Variants in MOCOS observed in about 807,000 individuals in gnomAD.
MOCOS encodes the protein human molybdenum cofactor sulfurase.
A neutral mutation model predicts 83.6 loss-of-function variants in MOCOS; 86 were observed. That is an observed-to-expected ratio of 1.03 (90% CI 0.86 to 1.23). The LOEUF (loss-of-function observed/expected upper bound fraction) is 1.23. Among genes scored for constraint, MOCOS ranks in the 50% most tolerant of loss-of-function variants. The probability of loss-of-function intolerance (pLI) is 0.00; values close to 1 mark genes in which losing one functional copy is unlikely to be tolerated. For missense variants in MOCOS, 1,120 were observed against 1,126.9 expected (o/e 0.99, Z 0.09); for synonymous variants, 445 against 434.7 (o/e 1.02, Z -0.29).
At chr18:36,187,914 C>G (rs567963587) in intron 1 of MOCOS, among the ~76,000 whole-genome samples, 3 of 152,234 alleles carry the variant, frequency 2.0e-5, no homozygotes, top group African/African-American at 7.2e-5. Context: ...CAGGACCAAC[C>G]TAGCCGTCTT....
chr18:36,188,192 C>T (rs2091349862), intron 1 of MOCOS, among the ~76,000 whole-genome samples: 1 of 152,260 alleles, frequency 6.6e-6, no homozygotes, highest in Non-Finnish European at 1.5e-5. Context: ...GCTCTGCAGA[C>T]TCCTCTGGGA....
chr18:36,258,922 C>T (rs1040956945), intron 12 of MOCOS, among the ~76,000 whole-genome samples: 2 of 152,106 alleles, frequency 1.3e-5, no homozygotes, highest in Admixed American at 6.5e-5. Context: ...CCCTTGTATC[C>T]CATCCCAGTC....
rs183534967 is a variant in MOCOS, at chr18:36,189,272, C to G, written c.142+1591C>G. Among the ~76,000 whole-genome samples the G allele has an allele frequency of 2.0e-5, 3 of 152,158 alleles. No homozygotes were observed. The East Asian group carries it at 5.8e-4, about 29-fold the overall frequency. On this transcript the variant is annotated intron_variant, in intron 1 of 14. Transcript: ENST00000261326. Reference sequence around the variant, plus strand: ...GTCAGCCAGGCTGGCCCTCAGAACTCGTTACCACTTACTGTATGTCTGGTA... The same window carrying G: ...GTCAGCCAGGCTGGCCCTCAGAACTGGTTACCACTTACTGTATGTCTGGTA...
chr18:36,207,544 A>G (rs952669148), intron 6 of MOCOS, among the ~76,000 whole-genome samples: 5 of 151,650 alleles, frequency 3.3e-5, no homozygotes, highest in African/African-American at 7.3e-5. Flanking sequence ...TTCTCTCATG[A>G]TTAATGATGT....
At position 36,220,124 on chromosome 18, in the gene MOCOS, G is replaced by T. The variant is rs1568056639; in HGVS notation, c.1867G>T (p.Gly623Cys). 3 of 1,614,070 alleles carry T rather than the reference G, an allele frequency of 1.9e-6. No homozygotes were observed. Among genetic ancestry groups the T allele is most frequent in the Non-Finnish European group, 2.5e-6 (3 of 1,180,016 alleles). ...DRSWMVVNHN[G>C]VCLSQKQEPR... ...GAGCTGGATGGTTGTGAATCACAAT[G>T]GTGTTTGCCTGAGTCAGAAGCAGGA... The change falls in exon 9 of 15, where the codon GGT (glycine) becomes TGT (cysteine). Residue 623 changes from glycine (G) to cysteine (C), a missense_variant. Transcript: ENST00000261326.
At chr18:36,231,749 A>G (rs1308160186) in intron 9 of MOCOS, among the ~76,000 whole-genome samples, 1 of 152,216 alleles carries the variant, frequency 6.6e-6, no homozygotes, top group Non-Finnish European at 1.5e-5. Context: ...TGGATGATCC[A>G]GAAGTACAGA....
intron 1 of MOCOS, among the ~76,000 whole-genome samples, chr18:36,194,898 T>C (rs1453812789): frequency 2.0e-5 from 3 of 152,216 alleles, no homozygotes; most frequent in Non-Finnish European, 4.4e-5. Context: ...GGCTCTCCCC[T>C]CAGGGACTCC....
At chr18:36,246,678 AG>A (rs1206966778) in intron 9 of MOCOS, among the ~76,000 whole-genome samples, 3 of 152,256 alleles carry the variant, frequency 2.0e-5, no homozygotes, top group African/African-American at 7.2e-5. Flanking sequence ...GGACAGACTC[AG>A]GACCTCTGGT....
intron 11 of MOCOS, among the ~76,000 whole-genome samples, chr18:36,254,154 T>C (rs2091632317): frequency 6.6e-6 from 1 of 152,188 alleles, no homozygotes; most frequent in Non-Finnish European, 1.5e-5. Context: ...TAGGGTCCCA[T>C]GTTCTCTGGC....
chr18:36,219,990 G>C, intron 8 of MOCOS, 65 bp from the exon 9 acceptor site: 1 of 1,594,588 alleles, frequency 6.3e-7, no homozygotes, highest in Non-Finnish European at 8.6e-7. Context: ...TGTAGCCACT[G>C]TACAAATAGG....
chr18:36,208,017 G>T (rs1020065320), intron 6 of MOCOS, among the ~76,000 whole-genome samples: 1 of 152,094 alleles, frequency 6.6e-6, no homozygotes, highest in African/African-American at 2.4e-5. Flanking sequence ...CATATCTATA[G>T]CCAGTTATCC....
At chr18:36,201,988 G>C (rs984427216) in intron 4 of MOCOS, among the ~76,000 whole-genome samples, 2 of 152,146 alleles carry the variant, frequency 1.3e-5, no homozygotes, top group Non-Finnish European at 2.9e-5. Context: ...CAGCTCACTG[G>C]GGGCCAGGGC....
chr18:36,263,538 C>T (rs2144156494), intron 13 of MOCOS, among the ~76,000 whole-genome samples: 1 of 152,292 alleles, frequency 6.6e-6, no homozygotes, highest in East Asian at 1.9e-4. Context: ...GCTCTGAGAT[C>T]CCAGCGAGTG....
chr18:36,212,686 A>G (rs563642686), intron 6 of MOCOS, among the ~76,000 whole-genome samples: 2 of 152,326 alleles, frequency 1.3e-5, no homozygotes, highest in East Asian at 3.9e-4. Flanking sequence ...TTGCCCAGCC[A>G]AGATCCCTGG....
chr18:36,241,375 G>A (rs545449204), intron 9 of MOCOS, among the ~76,000 whole-genome samples: 4 of 152,322 alleles, frequency 2.6e-5, no homozygotes, highest in African/African-American at 9.6e-5. Flanking sequence ...CAGTCTCCTT[G>A]TAAGTCTGAA....
intron 9 of MOCOS, among the ~76,000 whole-genome samples, chr18:36,244,423 G>A (rs959579605): frequency 1.3e-5 from 2 of 152,060 alleles, no homozygotes; most frequent in Non-Finnish European, 2.9e-5. Context: ...CCATGTCTTT[G>A]TATAGTTTCG....
At chr18:36,260,801 C>T (rs1227078112) in intron 13 of MOCOS, among the ~76,000 whole-genome samples, 1 of 151,954 alleles carries the variant, frequency 6.6e-6, no homozygotes, top group Non-Finnish European at 1.5e-5. Context: ...CATGCTGCCA[C>T]TGTCTCTGAG....
At chr18:36,193,141 C>T (rs1335195348) in intron 1 of MOCOS, among the ~76,000 whole-genome samples, 1 of 148,590 alleles carries the variant, frequency 6.7e-6, no homozygotes, top group African/African-American at 2.5e-5. Flanking sequence ...GAAACCCCGT[C>T]TCTACTAAAA....
intron 9 of MOCOS, among the ~76,000 whole-genome samples, chr18:36,245,950 A>C (rs978836625): frequency 6.6e-6 from 1 of 152,052 alleles, no homozygotes; most frequent in African/African-American, 2.4e-5. Flanking sequence ...CATTTCTCTA[A>C]GTGTGTCTTT....
Sources: allele counts gnomAD v4.1 joint callset (sites outside exome capture counted in the v4.1 genomes callset), GRCh38; gene constraint gnomAD v4.1.1; transcripts MANE v1.5; gene names NCBI Gene and HGNC (gene_info 2026-07-23, HGNC 2026-07-21).